Variants in ACSM4 observed in about 807,000 individuals in gnomAD.
ACSM4 encodes acyl-CoA synthetase medium chain family member 4.
ACSM4 carries 66 observed loss-of-function variants against 73.0 expected under a neutral mutation model. The observed-to-expected ratio is 0.90, with a 90% CI of 0.74 to 1.11. The LOEUF is 1.11. Ranked by LOEUF, ACSM4 falls within the 50% of genes least tolerant of loss-of-function variation. The pLI, the probability that ACSM4 is intolerant of heterozygous loss-of-function variation, is 0.00. For missense variants in ACSM4, 645 were observed against 714.4 expected (o/e 0.90, Z 1.11); for synonymous variants, 222 against 254.0 (o/e 0.87, Z 1.20).
chr12:7,318,201 C>G lies in ACSM4; in HGVS notation c.921+19C>G, dbSNP rs1369533371. 5.0e-6 allele frequency: 8 copies of G among 1,610,258 alleles called. No homozygotes were observed. The South Asian group carries it at 8.8e-5, about 18-fold the overall frequency. On this transcript the variant is annotated intron_variant, in intron 5 of 12. Transcript: ENST00000399422. ...CCTAGACGTAAGTCATGTCCTCCAG[C>G]TAGATAGATCTTTAGAGTTCTTCCT...
chr12:7,304,198 C>A lies in ACSM4; in HGVS notation c.-134C>A. Reference sequence around the variant, plus strand: ...GTTTTTCAGGTGTTCCCCAACTTGCCAGGGACACACAGCCACAAATCCACC... The same window carrying A: ...GTTTTTCAGGTGTTCCCCAACTTGCAAGGGACACACAGCCACAAATCCACC... On this transcript the variant is annotated 5_prime_UTR_variant, in exon 1 of 13. Coordinates refer to ENST00000399422, the MANE Select transcript of ACSM4 (RefSeq NM_001080454.2). The A allele has an allele frequency of 2.1e-6, 2 of 932,922 alleles. No homozygotes were observed. The highest frequency in any genetic ancestry group is 3.3e-6 in the Non-Finnish European group (2 of 607,968). The allele number at this position is 932,922 out of a possible 1,614,324, so 57.8% of individuals were successfully genotyped here.
In ACSM4 at chr12:7,324,491, C is replaced by T. The variant is rs988382983; in HGVS notation, c.1437-8C>T. On this transcript the variant is annotated splice_region_variant and splice_polypyrimidine_tract_variant and intron_variant, in intron 10 of 12. Transcript: ENST00000399422. ...ATGTGGTGGTCAAAAACTTCTTTTC[C>T]TCTTCAGGTACCGTATTGGGCCATT... The T allele has an allele frequency of 3.1e-6, 5 of 1,613,930 alleles. No homozygotes were observed. Among genetic ancestry groups the T allele is most frequent in the Non-Finnish European group, 4.2e-6 (5 of 1,179,850 alleles).
chr12:7,324,696 A>G, intron 11 of ACSM4, 98 bp downstream of exon 11: 1 of 1,338,174 alleles, frequency 7.5e-7, no homozygotes, highest in Non-Finnish European at 1.0e-6. Context: ...CAATCTATTA[A>G]TTCTCGTTAT....
chr12:7,320,654 T>G, intron 5 of ACSM4, 71 bp from the exon 6 acceptor site: 1 of 1,268,398 alleles, frequency 7.9e-7, no homozygotes, highest in Non-Finnish European at 1.1e-6. Context: ...AATAACAGGG[T>G]GTAGATATCA....
At chr12:7,319,884 A>G (rs927943113) in intron 5 of ACSM4, among the ~76,000 whole-genome samples, 5 of 152,236 alleles carry the variant, frequency 3.3e-5, no homozygotes, top group African/African-American at 1.2e-4. Context: ...TCATGTGTGT[A>G]TTTTAAGTGC....
chr12:7,310,810 A>C, intron 3 of ACSM4, 64 bp downstream of exon 3: 2 of 1,494,834 alleles, frequency 1.3e-6, no homozygotes, highest in Admixed American at 1.9e-5. Context: ...TATATCTTGG[A>C]ATCTCTTTGC....
Position 7,317,141 on chromosome 12 carries a change from G to T in ACSM4, c.625G>T (p.Ala209Ser). 1 of 1,607,784 alleles carries T rather than the reference G, an allele frequency of 6.2e-7. No individual in the cohort carries two copies. Among genetic ancestry groups the T allele is most frequent in the Non-Finnish European group, 8.5e-7 (1 of 1,177,606 alleles). ...WLSFQELFQF[A>S]SEEHSCVETG... ...CTTGGGGTCCATATTTTGCAGATTC[G>T]CCTCTGAAGAGCACAGCTGTGTGGA... The change falls in exon 4 of 13, where the codon GCC (alanine) becomes TCC (serine). Residue 209 changes from alanine to serine, a missense_variant. Transcript: ENST00000399422.
Position 7,323,527 on chromosome 12 carries a change from T to C in ACSM4, c.1275T>C (p.Pro425=). 6.2e-7 allele frequency: 1 copy of C among 1,613,868 alleles called. No individual in the cohort carries two copies. ...KEGEIALRLK[P]TRPFCFFSKY... is the part of the protein sequence containing the mutation. Reference sequence around the variant, plus strand: ...GGGAAATTGCCCTCAGACTCAAACCTACACGGCCCTTCTGTTTCTTCTCTA... The same window carrying C: ...GGGAAATTGCCCTCAGACTCAAACCCACACGGCCCTTCTGTTTCTTCTCTA... Residue 425 remains proline (P), a synonymous_variant, in exon 9 of 13, where the codon CCT becomes CCC. Coordinates refer to ENST00000399422, the MANE Select transcript of ACSM4 (RefSeq NM_001080454.2).
At chr12:7,327,844 G>A (rs1315144479) in intron 12 of ACSM4, among the ~76,000 whole-genome samples, 1 of 152,108 alleles carries the variant, frequency 6.6e-6, no homozygotes, top group East Asian at 1.9e-4. Context: ...ACAAAAAGAG[G>A]ATTTTTGTGG....
At chr12:7,319,857 C>T (rs967398744) in intron 5 of ACSM4, among the ~76,000 whole-genome samples, 1 of 152,156 alleles carries the variant, frequency 6.6e-6, no homozygotes, top group African/African-American at 2.4e-5. Context: ...AATAAGAATA[C>T]TTTTATTTTA....
chr12:7,313,700 G>T (rs1946402971), intron 3 of ACSM4, among the ~76,000 whole-genome samples: 1 of 152,142 alleles, frequency 6.6e-6, no homozygotes, highest in African/African-American at 2.4e-5. Flanking sequence ...GTTCAAGATG[G>T]TGTTCCAAGC....
At chr12:7,322,600 T>C (rs2136336506) in intron 7 of ACSM4, 59 bp downstream of exon 7, 1 of 1,543,846 alleles carries the variant, frequency 6.5e-7, no homozygotes, top group South Asian at 1.3e-5. Context: ...CCCAGGTTTT[T>C]CAACTGAGCC....
At chr12:7,315,244 G>T (rs1946414483) in intron 3 of ACSM4, among the ~76,000 whole-genome samples, 1 of 150,886 alleles carries the variant, frequency 6.6e-6, no homozygotes, top group South Asian at 2.1e-4. Flanking sequence ...CAATGACAAT[G>T]TCACTCATTC....
chr12:7,310,435 G>A (rs1324602362), intron 2 of ACSM4, 104 bp from the exon 3 acceptor site: 19 of 1,132,318 alleles, frequency 1.7e-5, no homozygotes, highest in Admixed American at 6.2e-5. Flanking sequence ...AGCTGAGGTA[G>A]CTGAAGAATG....
At position 7,306,724 on chromosome 12, in the gene ACSM4, T is replaced by C. The variant is rs749411451; in HGVS notation, c.393T>C (p.Asn131=). 38 of 1,610,364 alleles carry C rather than the reference T, an allele frequency of 2.4e-5. No individual in the cohort carries two copies. Among genetic ancestry groups the C allele is most frequent in the Non-Finnish European group, 3.0e-5 (35 of 1,178,540 alleles). ...GAATCCCTGAGTGGTGGCTGGTCAA[T>C]GTAGCTTGCATACGAACAGGTCAGT... The part of the protein sequence containing the change: ...LPRIPEWWLV[N]VACIRTGIIF... The change falls in exon 2 of 13, where the codon AAT becomes AAC. Residue 131 remains asparagine (N), a synonymous_variant. Coordinates refer to ENST00000399422, the MANE Select transcript of ACSM4 (RefSeq NM_001080454.2).
At chr12:7,325,033 C>T (rs769312265) in intron 11 of ACSM4, among the ~76,000 whole-genome samples, 2 of 152,290 alleles carry the variant, frequency 1.3e-5, no homozygotes, top group African/African-American at 4.8e-5. Flanking sequence ...AACCCTCCAC[C>T]CCTTCAGGGA....
Position 7,319,255 on chromosome 12 carries a change from A to T in ACSM4, c.921+1073A>T, listed in dbSNP as rs772645821. ...CAGGCTCCTATGAGAATCTAATGCC[A>T]CCATTGACCTGACAGGAGGCGGAGC... On this transcript the variant is annotated intron_variant, in intron 5 of 12. Coordinates refer to ENST00000399422, the MANE Select transcript of ACSM4 (RefSeq NM_001080454.2). 9.2e-5 allele frequency among the ~76,000 whole-genome samples: 14 copies of T among 152,240 alleles called. No individual in the cohort carries two copies. In the South Asian group the frequency reaches 1.5e-3, roughly 16 times the overall value.
chr12:7,312,594 C>A (rs547336311), intron 3 of ACSM4, among the ~76,000 whole-genome samples: 2 of 152,178 alleles, frequency 1.3e-5, no homozygotes, highest in African/African-American at 4.8e-5. Context: ...AAGGGCCACA[C>A]CAGTGAATAC....
intron 6 of ACSM4, 125 bp from the exon 7 acceptor site, chr12:7,322,293 T>G: frequency 7.5e-7 from 1 of 1,333,702 alleles, no homozygotes; most frequent in Non-Finnish European, 1.1e-6. Context: ...AAGTATTTGT[T>G]GAATGAACTT....
Sources: gnomAD v4.1 joint callset for allele counts (sites outside exome capture counted in the v4.1 genomes callset) on GRCh38, gnomAD v4.1.1 for gene constraint, MANE v1.5 for transcripts, NCBI Gene and HGNC (gene_info 2026-07-23, HGNC 2026-07-21) for gene names.